SRGAP2: variants seen among roughly 807,000 people sequenced by gnomAD.
SRGAP2 encodes the protein SLIT-ROBO Rho GTPase activating protein 2.
Under a neutral mutation model 57.2 loss-of-function variants are expected in SRGAP2, and 15 were observed. That is an observed-to-expected ratio of 0.26 (90% confidence interval 0.18 to 0.40). SRGAP2 has a LOEUF of 0.40. SRGAP2 is among the 10% of genes least tolerant of loss of function. The pLI, the probability that SRGAP2 is intolerant of heterozygous loss-of-function variation, is 1.00. For synonymous variants in SRGAP2, 249 were observed against 248.0 expected (o/e 1.00, Z -0.04); for missense variants, 520 against 669.6 (o/e 0.78, Z 2.47).
intron 3 of SRGAP2, among the ~76,000 whole-genome samples, chr1:206,323,250 C>G (rs1254667568): frequency 1.3e-5 from 2 of 151,716 alleles, no homozygotes; most frequent in African/African-American, 4.9e-5. Context: ...TAATGTTTTC[C>G]TCTCCGGAAT....
chr1:206,397,698 G>A (rs1423175502), intron 7 of SRGAP2, among the ~76,000 whole-genome samples: 1 of 146,196 alleles, frequency 6.8e-6, no homozygotes, highest in Non-Finnish European at 1.5e-5. Context: ...TAGGCTCACT[G>A]GAATGTAATT....
intron 2 of SRGAP2, among the ~76,000 whole-genome samples, chr1:206,240,041 G>A (rs1253625275): frequency 1.3e-5 from 2 of 151,736 alleles, no homozygotes; most frequent in South Asian, 2.1e-4. Context: ...CAAGGCGGGC[G>A]GATCACGAGA....
At chr1:206,411,630 C>T (rs1659233077) in intron 10 of SRGAP2, among the ~76,000 whole-genome samples, 1 of 152,146 alleles carries the variant, frequency 6.6e-6, no homozygotes, top group South Asian at 2.1e-4. Context: ...GGTAGGTGTA[C>T]TCACTCCTCC....
chr1:206,263,506 C>G (rs558536893), intron 2 of SRGAP2, among the ~76,000 whole-genome samples: 5 of 152,276 alleles, frequency 3.3e-5, no homozygotes, highest in East Asian at 1.9e-4. Context: ...AGCTCTTGAA[C>G]TACAATGATG....
At chr1:206,452,841 G>A (rs1433350212) in intron 19 of SRGAP2, among the ~76,000 whole-genome samples, 2 of 136,294 alleles carry the variant, frequency 1.5e-5, no homozygotes, top group Non-Finnish European at 3.0e-5. Flanking sequence ...AGCCAAGATC[G>A]AGCCACTGCA....
chr1:206,386,994 T>C (rs1572020255), intron 5 of SRGAP2, among the ~76,000 whole-genome samples: 2 of 146,832 alleles, frequency 1.4e-5, no homozygotes, highest in Admixed American at 1.4e-4. Context: ...GGCATGGTGG[T>C]GGGCGCCTAT....
intron 3 of SRGAP2, among the ~76,000 whole-genome samples, chr1:206,318,745 G>A (rs1457081123): frequency 1.3e-5 from 2 of 152,062 alleles, no homozygotes; most frequent in Admixed American, 6.5e-5. Flanking sequence ...GTCGGGGGAG[G>A]TCCCAGACTT....
chr1:206,398,912 A>G (rs548833619), intron 7 of SRGAP2, among the ~76,000 whole-genome samples: 8 of 152,292 alleles, frequency 5.3e-5, no homozygotes, highest in African/African-American at 1.9e-4. Flanking sequence ...CATAGGAAAC[A>G]TTTAAGGAAA....
intron 13 of SRGAP2, among the ~76,000 whole-genome samples, chr1:206,423,777 A>ATT (rs200702527): frequency 3.4e-5 from 5 of 146,114 alleles, no homozygotes; most frequent in African/African-American, 7.5e-5. Flanking sequence ...CACCTTTCTG[A>ATT]TTTTTTTTTT....
At chr1:206,205,275 A>C (rs1209669678) in intron 1 of SRGAP2, 154 bp from the exon 2 acceptor site, 2 of 144,042 alleles carry the variant, frequency 1.4e-5, no homozygotes, top group African/African-American at 5.2e-5. Context: ...CTTCCTCCCC[A>C]CCTCGTAGCG....
chr1:206,425,909 C>T (rs980762995), intron 13 of SRGAP2, among the ~76,000 whole-genome samples: 6 of 146,498 alleles, frequency 4.1e-5, no homozygotes, highest in Non-Finnish European at 7.5e-5. Flanking sequence ...TGCAATGGTG[C>T]AATCTTGCCT....
chr1:206,253,644 C>T (rs1157835691), intron 2 of SRGAP2, among the ~76,000 whole-genome samples: 22 of 130,654 alleles, frequency 1.7e-4, no homozygotes, highest in African/African-American at 5.8e-4. Flanking sequence ...GGCTAGATCT[C>T]GGCTCGCTGC....
Position 206,461,537 on chromosome 1 carries a change from G to A in SRGAP2, c.*117G>A, listed in dbSNP as rs1230547285. 1.5e-5 allele frequency: 10 copies of A among 653,696 alleles called. No individual in the cohort carries two copies. Among genetic ancestry groups the A allele is most frequent in the Non-Finnish European group, 2.8e-5 (10 of 358,318 alleles). The allele number at this position is 653,696 out of a possible 1,614,324, so 40.5% of individuals were successfully genotyped here. ...GAAAATTAGGTTCTAAGTTGTTCTT[G>A]CAGGAATTAGCCTCCCCGTCTCCCA... On this transcript the variant is annotated 3_prime_UTR_variant, in exon 23 of 23. Coordinates refer to ENST00000573034, the MANE Select transcript of SRGAP2 (RefSeq NM_015326.5).
rs782173959 is a variant in SRGAP2, at chr1:206,430,213, A to G, written c.1546A>G (p.Ser516Gly). Residue 516 changes from serine (S) to glycine (G), a missense_variant, in exon 14 of 23, where the codon AGC becomes GGC. Physicochemically the swap from Ser to Gly is moderately conservative, Grantham distance 56 (BLOSUM62 0). Around this residue, in one of 5 missense-constraint regions of SRGAP2, gnomAD observed 478 missense variants for 373.6 expected, o/e 1.28. Coordinates refer to ENST00000573034, the MANE Select transcript of SRGAP2 (RefSeq NM_015326.5). ...LVVESCIRFI[S>G]RHGLQHEGIF... ...GGTGGAAAGCTGTATCCGGTTTATCAGCAGACACGGTAAGCAGGATGACAG... is the reference window on the plus strand; with the variant it reads ...GGTGGAAAGCTGTATCCGGTTTATCGGCAGACACGGTAAGCAGGATGACAG... 3 of 780,882 alleles carry G rather than the reference A, an allele frequency of 3.8e-6. No homozygotes were observed. The highest frequency in any genetic ancestry group is 3.4e-5 in the Admixed American group (2 of 59,044). 48.4% of individuals were successfully genotyped at this position (780,882 alleles called of 1,614,324 possible). A position where few individuals can be genotyped will look rare whatever the true frequency, so the allele number is the denominator to read the frequency against.
At chr1:206,455,588 A>G in intron 21 of SRGAP2, 1 of 158,354 alleles carries the variant, frequency 6.3e-6, no homozygotes, top group Non-Finnish European at 1.4e-5. Context: ...TCCCTAAGGA[A>G]AGCTTTGTCC....
chr1:206,313,748 C>T (rs1297869274), intron 3 of SRGAP2, among the ~76,000 whole-genome samples: 2 of 151,786 alleles, frequency 1.3e-5, no homozygotes, highest in Non-Finnish European at 2.9e-5. Flanking sequence ...AAACATGAGA[C>T]CAAGGAAACC....
intron 2 of SRGAP2, among the ~76,000 whole-genome samples, chr1:206,285,958 A>C (rs1219088868): frequency 1.3e-5 from 2 of 152,142 alleles, no homozygotes; most frequent in Non-Finnish European, 2.9e-5. Flanking sequence ...GAGCCACCAC[A>C]CCTGGCCCAT....
At chr1:206,416,265 G>A (rs1659695193) in intron 11 of SRGAP2, among the ~76,000 whole-genome samples, 1 of 152,192 alleles carries the variant, frequency 6.6e-6, no homozygotes, top group Non-Finnish European at 1.5e-5. Flanking sequence ...CTAGGGTAGA[G>A]AGGCTGAGGG....
intron 3 of SRGAP2, chr1:206,333,214 C>A: frequency 1.7e-6 from 1 of 596,614 alleles, no homozygotes; most frequent in African/African-American, 1.9e-5. Flanking sequence ...CTCTTCAAAG[C>A]TCAGATGGAA....
Sources: allele counts gnomAD v4.1 joint callset (sites outside exome capture counted in the v4.1 genomes callset), GRCh38; gene constraint gnomAD v4.1.1; regional missense constraint gnomAD v4.1.1; transcripts MANE v1.5; gene names NCBI Gene and HGNC (gene_info 2026-07-23, HGNC 2026-07-21).